Variants in FNDC3A observed in about 807,000 individuals in gnomAD.
The protein encoded by FNDC3A is fibronectin type III domain containing 3A, also known as fibronectin type-III domain-containing protein 3A.
Under a neutral mutation model 148.9 loss-of-function variants are expected in FNDC3A, and 32 were observed. The observed-to-expected ratio is 0.21, with a 90% confidence interval of 0.16 to 0.29. FNDC3A has a LOEUF of 0.29. Ranked by LOEUF, FNDC3A falls within the 10% of genes least tolerant of loss-of-function variation. The probability of loss-of-function intolerance (pLI) is 1.00; values close to 1 mark genes in which losing one functional copy is unlikely to be tolerated. For synonymous variants in FNDC3A, 472 were observed against 473.6 expected, an observed-to-expected ratio of 1.00 and a Z score of 0.04; for missense variants, 1,191 against 1,452.8, an observed-to-expected ratio of 0.82 and a Z score of 2.93.
At chr13:48,989,185 G>T (rs937894411) in intron 1 of FNDC3A, among the ~76,000 whole-genome samples, 5 of 152,240 alleles carry the variant, frequency 3.3e-5, no homozygotes, top group Admixed American at 3.3e-4. Flanking sequence ...GTAAAAGCAA[G>T]TCCCAAAGAG....
chr13:49,122,772 C>T (rs1175985379), intron 4 of FNDC3A, among the ~76,000 whole-genome samples: 2 of 152,078 alleles, frequency 1.3e-5, no homozygotes, highest in Non-Finnish European at 2.9e-5. Context: ...AACAAAATAC[C>T]TAGGAATCCA....
intron 8 of FNDC3A, 85 bp downstream of exon 8, chr13:49,146,020 T>A: frequency 2.0e-6 from 2 of 984,810 alleles, no homozygotes; most frequent in Non-Finnish European, 3.0e-6. Flanking sequence ...GCTCTACTTT[T>A]CCTTCTTCAC....
At chr13:49,077,940 A>G (rs1566235760) in intron 3 of FNDC3A, among the ~76,000 whole-genome samples, 1 of 152,216 alleles carries the variant, frequency 6.6e-6, no homozygotes. Context: ...ACCTGTCTTT[A>G]CTTGCCAGTT....
intron 8 of FNDC3A, 164 bp downstream of exon 8, chr13:49,146,099 G>C: frequency 1.8e-6 from 1 of 556,196 alleles, no homozygotes; most frequent in Non-Finnish European, 3.1e-6. Context: ...AATGTAGCTT[G>C]GTACACATTT....
chr13:49,050,416 G>A (rs1212364554), intron 2 of FNDC3A, among the ~76,000 whole-genome samples: 4 of 152,114 alleles, frequency 2.6e-5, no homozygotes, highest in East Asian at 1.9e-4. Context: ...TCATTCAGGA[G>A]CAGGTTATTT....
chr13:49,100,104 T>G (rs996148183), intron 3 of FNDC3A, among the ~76,000 whole-genome samples: 1 of 152,102 alleles, frequency 6.6e-6, no homozygotes. Flanking sequence ...CTAAGAATAA[T>G]TGTTCCATTT....
intron 8 of FNDC3A, 99 bp from the exon 9 acceptor site, chr13:49,167,145 A>T: frequency 3.1e-6 from 2 of 641,704 alleles, no homozygotes; most frequent in Non-Finnish European, 5.3e-6. Context: ...TAAAGAAAGA[A>T]GTAGTTTCAT....
intron 12 of FNDC3A, 115 bp from the exon 13 acceptor site, chr13:49,175,252 T>C (rs376394169): frequency 5.0e-6 from 3 of 605,864 alleles, no homozygotes; most frequent in Non-Finnish European, 8.1e-6. Flanking sequence ...ATTATTTGTA[T>C]TATAATTCAT....
At chr13:48,994,092 A>G (rs1951975125) in intron 1 of FNDC3A, among the ~76,000 whole-genome samples, 1 of 152,240 alleles carries the variant, frequency 6.6e-6, no homozygotes, top group Non-Finnish European at 1.5e-5. Flanking sequence ...CTCTTCATAT[A>G]TCCAGATGAA....
intron 2 of FNDC3A, 132 bp downstream of exon 2, chr13:49,006,421 T>C (rs531308669): frequency 3.4e-5 from 17 of 502,880 alleles, no homozygotes; most frequent in African/African-American, 3.2e-4. Flanking sequence ...TGTTCAGTTT[T>C]ATAAGATGAT....
At chr13:49,184,812 T>C (rs1252793945) in intron 14 of FNDC3A, among the ~76,000 whole-genome samples, 1 of 152,120 alleles carries the variant, frequency 6.6e-6, no homozygotes, top group Non-Finnish European at 1.5e-5. Flanking sequence ...GGCCTGTAAT[T>C]GGGATTTGCT....
intron 2 of FNDC3A, among the ~76,000 whole-genome samples, chr13:49,007,260 A>G (rs760124653): frequency 6.6e-6 from 1 of 152,120 alleles, no homozygotes; most frequent in Non-Finnish European, 1.5e-5. Flanking sequence ...AAAAATTAGT[A>G]GCAATTGGCT....
At chr13:49,085,986 G>A (rs1411881353) in intron 3 of FNDC3A, among the ~76,000 whole-genome samples, 1 of 151,474 alleles carries the variant, frequency 6.6e-6, no homozygotes, top group Admixed American at 6.6e-5. Context: ...GAGTTCAAGT[G>A]ATTCTCCTGC....
chr13:49,097,650 G>A (rs1879618095), intron 3 of FNDC3A, among the ~76,000 whole-genome samples: 1 of 152,080 alleles, frequency 6.6e-6, no homozygotes, highest in Admixed American at 6.6e-5. Context: ...AGCAGGATGT[G>A]AACATTCTGT....
At chr13:49,168,556 A>G in intron 9 of FNDC3A, 57 bp from the exon 10 acceptor site, 2 of 1,366,992 alleles carry the variant, frequency 1.5e-6, no homozygotes, top group Non-Finnish European at 2.0e-6. Flanking sequence ...AGGTGACACT[A>G]TTGAAAACAG....
At chr13:49,082,288 A>G (rs1016802689) in intron 3 of FNDC3A, among the ~76,000 whole-genome samples, 1 of 152,118 alleles carries the variant, frequency 6.6e-6, no homozygotes, top group Non-Finnish European at 1.5e-5. Context: ...CGGGAGGCAG[A>G]GGCAGGAGAA....
At chr13:49,149,824 CTTTG>C (rs1342201453) in intron 8 of FNDC3A, among the ~76,000 whole-genome samples, 1 of 152,082 alleles carries the variant, frequency 6.6e-6, no homozygotes, top group Non-Finnish European at 1.5e-5. Flanking sequence ...CTGGACTTTT[CTTTG>C]TTTGAAGACT....
rs546575737 is a variant in FNDC3A at position 49,111,134 on chromosome 13, A to G, written c.176-3521A>G. Among the ~76,000 whole-genome samples, 47 of 152,332 alleles carry G rather than the reference A, an allele frequency of 3.1e-4. No homozygotes were observed. The South Asian group carries it at 9.1e-3, about 30-fold the overall frequency. ...TCTTCCTTGGGACAAAATCTCCCTC[A>G]TTGCATACAAATTTAAGTCAGTTTG... On this transcript the variant is annotated intron_variant, in intron 3 of 25. Transcript: ENST00000492622.
At chr13:49,154,523 C>T (rs2137996939) in intron 8 of FNDC3A, among the ~76,000 whole-genome samples, 1 of 135,272 alleles carries the variant, frequency 7.4e-6, no homozygotes, top group East Asian at 2.2e-4. Flanking sequence ...CCTTCTCCTG[C>T]CTAATTGCCC....
Sources: allele counts gnomAD v4.1 joint callset (sites outside exome capture counted in the v4.1 genomes callset), GRCh38; gene constraint gnomAD v4.1.1; transcripts MANE v1.5; gene names NCBI Gene and HGNC (gene_info 2026-07-23, HGNC 2026-07-21).